Variants in MELK observed in about 807,000 individuals in gnomAD.
The protein encoded by MELK is maternal embryonic leucine zipper kinase, also known as pEg3 kinase.
A neutral mutation model predicts 85.0 loss-of-function variants in MELK; 81 were observed. That is an observed-to-expected ratio of 0.95 (90% confidence interval 0.80 to 1.15). The LOEUF is 1.15. Ranked by LOEUF, MELK falls within the 50% of genes most tolerant of loss-of-function variation. The pLI is 0.00. For missense variants in MELK, 754 were observed against 777.5 expected (o/e 0.97, Z 0.36); for synonymous variants, 252 against 265.0 (o/e 0.95, Z 0.48).
Position 36,591,925 on chromosome 9 carries a change from CA to C in MELK, c.261+2283del, listed in dbSNP as rs528445875. Among the ~76,000 whole-genome samples, 62 of 143,592 alleles carry C rather than the reference CA, an allele frequency of 4.3e-4. 1 individual carries two copies. The South Asian group carries it at 5.7e-3, about 13-fold the overall frequency. The allele number at this position is 143,592 out of a possible 152,430, so 94.2% of individuals were successfully genotyped here. A position where few individuals can be genotyped will look rare whatever the true frequency, so the allele number is the denominator to read the frequency against. On this transcript the variant is annotated intron_variant, in intron 4 of 17. Transcript: ENST00000298048. ...TTGGCAACAGAGTGAGACCCTGTCT[CA>C]AAAAAAAAAGGTACAGGGAGTATAT... is the stretch of plus-strand genomic sequence containing the variant.
rs1382438359 is a variant in MELK, at chr9:36,589,720, A to C, written c.261+68A>C. On this transcript the variant is annotated intron_variant, in intron 4 of 17. Coordinates refer to ENST00000298048, the MANE Select transcript of MELK (RefSeq NM_014791.4). ...TATCAATAGTAAAAGAGAAAAGTACATTTCACCTGAAAGATTAGAAGAGAT... is the reference window on the plus strand; with the variant it reads ...TATCAATAGTAAAAGAGAAAAGTACCTTTCACCTGAAAGATTAGAAGAGAT... The C allele has an allele frequency of 1.0e-5, 12 of 1,148,054 alleles. No homozygotes were observed. The Admixed American group carries it at 1.5e-4, about 14-fold the overall frequency. The allele number at this position is 1,148,054 out of a possible 1,614,324, so 71.1% of individuals were successfully genotyped here.
chr9:36,589,479 G>A (rs1823307160), intron 3 of MELK, 57 bp from the exon 4 acceptor site: 2 of 1,406,320 alleles, frequency 1.4e-6, no homozygotes, highest in Middle Eastern at 1.8e-4. Context: ...TAGTATTGGA[G>A]CTTGGAACAC....
At chr9:36,575,134 A>G (rs1387278221) in intron 1 of MELK, among the ~76,000 whole-genome samples, 1 of 152,056 alleles carries the variant, frequency 6.6e-6, no homozygotes, top group Admixed American at 6.5e-5. Flanking sequence ...CTCCGTCTCA[A>G]AAACAAAAAC....
chr9:36,620,548 C>CTTTTTT (rs747925440), intron 8 of MELK, among the ~76,000 whole-genome samples: 2 of 128,512 alleles, frequency 1.6e-5, no homozygotes, highest in Non-Finnish European at 3.2e-5. Context: ...CATTCTCTTC[C>CTTTTTT]TTTTTTTTTT....
At chr9:36,595,152 T>TA (rs1170471155) in intron 5 of MELK, among the ~76,000 whole-genome samples, 2 of 151,830 alleles carry the variant, frequency 1.3e-5, no homozygotes, top group Non-Finnish European at 2.9e-5. Flanking sequence ...GTCATTTTTT[T>TA]GGAGACGGAG....
intron 10 of MELK, among the ~76,000 whole-genome samples, chr9:36,641,139 C>T (rs552647687): frequency 6.6e-6 from 1 of 152,256 alleles, no homozygotes; most frequent in Admixed American, 6.5e-5. Context: ...AACTAGAAAA[C>T]GGAAGACTTG....
intron 14 of MELK, among the ~76,000 whole-genome samples, chr9:36,666,463 G>A (rs1284674127): frequency 6.6e-6 from 1 of 152,152 alleles, no homozygotes; most frequent in Non-Finnish European, 1.5e-5. Context: ...TTTATGTAAT[G>A]AATTAATAAA....
At chr9:36,617,925 A>G (rs1401190926) in intron 8 of MELK, among the ~76,000 whole-genome samples, 1 of 151,950 alleles carries the variant, frequency 6.6e-6, no homozygotes, top group Non-Finnish European at 1.5e-5. Flanking sequence ...CAGAAGTTTG[A>G]GACCAGCCTG....
intron 10 of MELK, among the ~76,000 whole-genome samples, chr9:36,633,873 A>G (rs1272232963): frequency 6.6e-6 from 1 of 152,218 alleles, no homozygotes; most frequent in Non-Finnish European, 1.5e-5. Context: ...CCTCACACAG[A>G]TATGCAATAG....
At chr9:36,591,446 T>C (rs905953224) in intron 4 of MELK, among the ~76,000 whole-genome samples, 1 of 152,064 alleles carries the variant, frequency 6.6e-6, no homozygotes, top group Non-Finnish European at 1.5e-5. Context: ...TGGTGGTGCA[T>C]GCCTATAGTC....
chr9:36,628,958 C>T (rs888834442), intron 8 of MELK, among the ~76,000 whole-genome samples: 1 of 151,064 alleles, frequency 6.6e-6, no homozygotes, highest in African/African-American at 2.4e-5. Context: ...CCTCCGCCTC[C>T]TGAGTTCAAG....
intron 5 of MELK, among the ~76,000 whole-genome samples, chr9:36,595,239 C>T (rs1824082012): frequency 6.6e-6 from 1 of 151,516 alleles, no homozygotes; most frequent in South Asian, 2.1e-4. Context: ...GGGTTCACGC[C>T]ATTCTCCTGC....
intron 3 of MELK, among the ~76,000 whole-genome samples, chr9:36,588,287 C>T (rs1174870785): frequency 6.7e-6 from 1 of 149,728 alleles, no homozygotes; most frequent in Non-Finnish European, 1.5e-5. Context: ...CCAGGATGGT[C>T]CTGAACTCCT....
intron 1 of MELK, among the ~76,000 whole-genome samples, chr9:36,580,275 G>A (rs1404420112): frequency 2.6e-5 from 4 of 151,520 alleles, no homozygotes; most frequent in East Asian, 1.9e-4. Flanking sequence ...TGATCCACCC[G>A]CCTCGGCCTC....
intron 8 of MELK, among the ~76,000 whole-genome samples, chr9:36,625,041 C>T (rs1827803147): frequency 6.6e-6 from 1 of 152,102 alleles, no homozygotes; most frequent in Admixed American, 6.6e-5. Context: ...GTTAAAACAA[C>T]AGAAATCCAT....
At chr9:36,654,305 C>A (rs1831004723) in intron 12 of MELK, among the ~76,000 whole-genome samples, 1 of 150,648 alleles carries the variant, frequency 6.6e-6, no homozygotes, top group Non-Finnish European at 1.5e-5. Flanking sequence ...TTTACGACAC[C>A]TCAGTTAAGG....
intron 5 of MELK, among the ~76,000 whole-genome samples, chr9:36,596,918 G>A (rs571154332): frequency 1.4e-3 from 218 of 152,206 alleles, no homozygotes; most frequent in Non-Finnish European, 1.6e-3. Context: ...TTGTCATTTC[G>A]TTAGTTTCTA....
chr9:36,604,549 G>A (rs1825288267), intron 7 of MELK, among the ~76,000 whole-genome samples: 1 of 151,344 alleles, frequency 6.6e-6, no homozygotes, highest in African/African-American at 2.4e-5. Flanking sequence ...AGTCCAACAG[G>A]ACCATATTGG....
At chr9:36,615,035 C>T (rs1199199946) in intron 8 of MELK, among the ~76,000 whole-genome samples, 4 of 147,632 alleles carry the variant, frequency 2.7e-5, no homozygotes, top group Admixed American at 1.3e-4. Flanking sequence ...CGCCCCTCAC[C>T]TCCCGGACGG....
Sources: allele counts gnomAD v4.1 joint callset (sites outside exome capture counted in the v4.1 genomes callset), GRCh38; gene constraint gnomAD v4.1.1; transcripts MANE v1.5; gene names NCBI Gene and HGNC (gene_info 2026-07-23, HGNC 2026-07-21).